KNDC1: variants seen among roughly 807,000 people sequenced by gnomAD.
KNDC1 encodes kinase non-catalytic C-lobe domain-containing protein 1.
In KNDC1, 106 loss-of-function variants were observed where a neutral mutation model predicts 172.8. That is an observed-to-expected ratio of 0.61 (90% CI 0.52 to 0.72). The LOEUF (loss-of-function observed/expected upper bound fraction) is 0.72. Among genes scored for constraint, KNDC1 ranks in the 30% least tolerant of loss-of-function variants. The pLI, the probability that KNDC1 is intolerant of heterozygous loss-of-function variation, is 0.00. For synonymous variants in KNDC1, 1,083 were observed against 1,062.2 expected, an observed-to-expected ratio of 1.02 and a Z score of -0.38; for missense variants, 2,325 against 2,394.5, an observed-to-expected ratio of 0.97 and a Z score of 0.61.
chr10:133,212,269 CCGCACA>C (rs1396763393), intron 23 of KNDC1, among the ~76,000 whole-genome samples: 1 of 152,050 alleles, frequency 6.6e-6, no homozygotes, highest in Non-Finnish European at 1.5e-5. Context: ...ACACGTGCAC[CCGCACA>C]CGCATCCACA....
chr10:133,160,304 C>G lies in KNDC1; in HGVS notation c.-164C>G, dbSNP rs1352842725. The G allele has an allele frequency of 5.0e-6, 1 of 200,224 alleles. No individual in the cohort carries two copies. The highest frequency in any genetic ancestry group is 9.6e-6 in the Non-Finnish European group (1 of 103,844). The allele number at this position is 200,224 out of a possible 1,614,324, so 12.4% of individuals were successfully genotyped here. On this transcript the variant is annotated 5_prime_UTR_variant, in exon 1 of 30. Coordinates refer to ENST00000304613, the MANE Select transcript of KNDC1 (RefSeq NM_152643.8). The stretch of plus-strand genomic sequence containing the variant: ...CCCGCGCCCCCCGCGCCCCCCGGGC[C>G]CGCCCCGTATCCCTGACCGCGTCCC...
At chr10:133,202,017 T>A in intron 17 of KNDC1, 119 bp downstream of exon 17, 2 of 1,144,626 alleles carry the variant, frequency 1.7e-6, no homozygotes, top group Non-Finnish European at 2.5e-6. Context: ...AGGGTGACAC[T>A]GGTCCTGGTG....
In KNDC1 at chr10:133,186,147, G is replaced by T. The variant is rs1420663142; in HGVS notation, c.799G>T (p.Val267Leu). The part of the protein sequence containing the change: ...SPTKALLSTP[V>L]RNGESHSREG... ...AACCAAGGCTCTGCTGTCCACCCCGGTGAGAAATGGCGAGAGCCACAGCCG... is the reference window on the plus strand; with the variant it reads ...AACCAAGGCTCTGCTGTCCACCCCGTTGAGAAATGGCGAGAGCCACAGCCG... Residue 267 changes from valine (V) to leucine (L), a missense_variant, in exon 6 of 30, where the codon GTG becomes TTG. By Grantham distance (32) the Val-to-Leu change is conservative. Transcript: ENST00000304613. The T allele has an allele frequency of 4.4e-6, 7 of 1,589,238 alleles. No homozygotes were observed. The Admixed American group carries it at 5.3e-5, about 12-fold the overall frequency.
chr10:133,199,795 C>T (rs1028042575), intron 15 of KNDC1, among the ~76,000 whole-genome samples, 193 bp downstream of exon 15: 2 of 152,178 alleles, frequency 1.3e-5, no homozygotes, highest in Admixed American at 6.5e-5. Flanking sequence ...GACGCCTACT[C>T]ACAGCTTTCC....
chr10:133,181,531 G>A (rs1400249630), intron 3 of KNDC1, among the ~76,000 whole-genome samples: 6 of 152,212 alleles, frequency 3.9e-5, no homozygotes, highest in South Asian at 2.1e-4. Context: ...GATGGCCAGC[G>A]GCCGGGGGCC....
rs750672548 is a variant in KNDC1, at chr10:133,199,224, T to A, written c.2716T>A (p.Phe906Ile). Residue 906 changes from phenylalanine (F) to isoleucine (I), a missense_variant, in exon 14 of 30, where the codon TTC (phenylalanine) becomes ATC (isoleucine). Physicochemically the swap from Phe to Ile is conservative, Grantham distance 21. Coordinates refer to ENST00000304613, the MANE Select transcript of KNDC1 (RefSeq NM_152643.8). ...GCGCCTCATCCAGGAGGAATTTGCC[T>A]TCGATGGCTACCTGGACAATGGGCT... ...ATRLIQEEFA[F>I]DGYLDNGLEA... 1 of 1,573,624 alleles carries A rather than the reference T, an allele frequency of 6.4e-7. No homozygotes were observed. The highest frequency in any genetic ancestry group is 2.3e-5 in the East Asian group (1 of 42,980).
chr10:133,161,897 C>A (rs902713986), intron 1 of KNDC1, among the ~76,000 whole-genome samples: 4 of 152,218 alleles, frequency 2.6e-5, no homozygotes, highest in Non-Finnish European at 4.4e-5. Context: ...GAGGCAGCAG[C>A]CGGTGCCACG....
rs367852078 is a variant in KNDC1, at chr10:133,164,923, C to A, written c.103-2458C>A. On this transcript the variant is annotated intron_variant, in intron 1 of 29. Transcript: ENST00000304613. ...GGCCTCTTAGGCCTGTCTGACCCCC[C>A]CTTGCTCACCCAGCCAGTGTGGATT... is the stretch of plus-strand genomic sequence containing the variant. Among the ~76,000 whole-genome samples, 23 of 152,352 alleles carry A rather than the reference C, an allele frequency of 1.5e-4. 1 individual carries two copies. The highest frequency in any genetic ancestry group is 4.1e-4 in the African/African-American group (17 of 41,592).
At chr10:133,210,557 A>T (rs1845341816) in intron 20 of KNDC1, 54 bp from the exon 21 acceptor site, 4 of 1,049,560 alleles carry the variant, frequency 3.8e-6, no homozygotes, top group Non-Finnish European at 6.0e-6. Flanking sequence ...ACACTAGCCG[A>T]GCCCTGGGGT....
rs974679136 is a variant in KNDC1 at position 133,219,992 on chromosome 10, G to A, written c.4898G>A (p.Gly1633Glu). Residue 1633 changes from glycine to glutamate, a missense_variant, in exon 29 of 30, where the codon GGG becomes GAG. Coordinates refer to ENST00000304613, the MANE Select transcript of KNDC1 (RefSeq NM_152643.8). ...LKSDSLCLME[G>E]RRFRAQPTLP... is the part of the protein sequence containing the mutation. ...AGCGACAGCCTGTGTCTGATGGAAG[G>A]GCGGCGCTTCCGGGCGCAGCCCACC... 2 of 1,553,406 alleles carry A rather than the reference G, an allele frequency of 1.3e-6. No individual in the cohort carries two copies. Among genetic ancestry groups the A allele is most frequent in the Non-Finnish European group, 8.7e-7 (1 of 1,148,240 alleles).
chr10:133,206,496 G>T (rs920555407), intron 17 of KNDC1, among the ~76,000 whole-genome samples, 189 bp from the exon 18 acceptor site: 1 of 151,638 alleles, frequency 6.6e-6, no homozygotes, highest in African/African-American at 2.4e-5. Context: ...GGCAGCCCAG[G>T]GCCCCCCAGA....
intron 6 of KNDC1, 105 bp downstream of exon 6, chr10:133,186,779 C>T (rs2135980109): frequency 2.6e-6 from 2 of 764,488 alleles, no homozygotes; most frequent in Non-Finnish European, 4.1e-6. Context: ...AGAGAATTAA[C>T]CTTCACCCTC....
At position 133,197,079 on chromosome 10, in the gene KNDC1, C is replaced by T. The variant is rs1284341205; in HGVS notation, c.1756C>T (p.Gln586Ter). The change falls in exon 11 of 30, where the codon CAG (glutamine) becomes TAG (stop). Residue 586 changes from glutamine (Q) to a stop codon, truncating the protein, a stop_gained. Coordinates refer to ENST00000304613, the MANE Select transcript of KNDC1 (RefSeq NM_152643.8). LOFTEE classifies it high-confidence loss of function. The part of the protein sequence containing the change: ...AIKVCGSYLL[Q>*]RGMDSRKILA... The stretch of plus-strand genomic sequence containing the variant: ...CCAGGTGTGCGGCAGCTACCTCCTC[C>T]AGCGAGGCATGGACAGCCGGAAAAT... The T allele has an allele frequency of 6.2e-7, 1 of 1,613,264 alleles. No homozygotes were observed. Among genetic ancestry groups the T allele is most frequent in the Non-Finnish European group, 8.5e-7 (1 of 1,179,882 alleles).
chr10:133,183,806 G>T, intron 4 of KNDC1, 66 bp from the exon 5 acceptor site: 1 of 1,273,382 alleles, frequency 7.9e-7, no homozygotes, highest in Non-Finnish European at 1.1e-6. Context: ...CGGCCGTGTC[G>T]GGTGGGTGGC....
Position 133,197,099 on chromosome 10 carries a change from G to A in KNDC1, c.1776G>A (p.Arg592=), listed in dbSNP as rs1160432460. 1.2e-6 allele frequency: 2 copies of A among 1,613,264 alleles called. No homozygotes were observed. Among genetic ancestry groups the A allele is most frequent in the East Asian group, 4.5e-5 (2 of 44,876 alleles). The part of the protein sequence containing the change: ...SYLLQRGMDS[R]KILAHLRASI... ...TCCTCCAGCGAGGCATGGACAGCCGGAAAATCCTTGCCCACCTCAGAGCTT... is the reference window on the plus strand; with the variant it reads ...TCCTCCAGCGAGGCATGGACAGCCGAAAAATCCTTGCCCACCTCAGAGCTT... Residue 592 remains arginine, a synonymous_variant, in exon 11 of 30, where the codon CGG becomes CGA. Coordinates refer to ENST00000304613, the MANE Select transcript of KNDC1 (RefSeq NM_152643.8).
At position 133,162,036 on chromosome 10, in the gene KNDC1, C is replaced by T. The variant is rs369630522; in HGVS notation, c.102+1467C>T. Among the ~76,000 whole-genome samples, 38 of 152,290 alleles carry T rather than the reference C, an allele frequency of 2.5e-4. No individual in the cohort carries two copies. In the East Asian group the frequency reaches 6.6e-3, roughly 26 times the overall value. On this transcript the variant is annotated intron_variant, in intron 1 of 29. Coordinates refer to ENST00000304613, the MANE Select transcript of KNDC1 (RefSeq NM_152643.8). ...TCGGGCCGGCCGGACAGCTCCCGGC[C>T]GGCACAGTACTGGGGTGGGTGGCTC...
intron 3 of KNDC1, among the ~76,000 whole-genome samples, chr10:133,169,013 G>A (rs192346633): frequency 9.8e-4 from 149 of 152,348 alleles, no homozygotes; most frequent in Non-Finnish European, 1.8e-3. Flanking sequence ...CTCTGTCCCC[G>A]GGCAGGGAGT....
Position 133,201,549 on chromosome 10 carries a change from C to A in KNDC1, c.3038C>A (p.Ser1013Ter). 1 of 1,611,356 alleles carries A rather than the reference C, an allele frequency of 6.2e-7. No homozygotes were observed. Residue 1013 changes from serine (S) to a stop codon, truncating the protein, a stop_gained, in exon 17 of 30, where the codon TCA (serine) becomes TAA (stop). Coordinates refer to ENST00000304613, the MANE Select transcript of KNDC1 (RefSeq NM_152643.8). LOFTEE classifies it high-confidence loss of function. ...MARTSSRAPC[S>*]PTSVSDVDSD... is the part of the protein sequence containing the mutation. ...AGGACCAGCAGCAGGGCCCCCTGCT[C>A]ACCCACCTCGGTGTCGGATGTGGAC...
chr10:133,216,876 C>T (rs775042464), intron 26 of KNDC1, among the ~76,000 whole-genome samples: 10 of 152,330 alleles, frequency 6.6e-5, no homozygotes, highest in South Asian at 2.1e-4. Context: ...CTGACGCCTG[C>T]GGCAGCACGA....
Sources: gnomAD v4.1 joint callset for allele counts (sites outside exome capture counted in the v4.1 genomes callset) on GRCh38, gnomAD v4.1.1 for gene constraint, MANE v1.5 for transcripts, NCBI Gene and HGNC (gene_info 2026-07-23, HGNC 2026-07-21) for gene names.